The following RUNX1 variants were observed in gnomAD, a reference collection of about 807,000 sequenced individuals.
RUNX1 encodes RUNX family transcription factor 1.
RUNX1 carries 19 observed loss-of-function variants against 42.8 expected under a neutral mutation model. The ratio of observed to expected loss-of-function variants is 0.44; its 90% CI spans 0.31 to 0.65. The LOEUF (loss-of-function observed/expected upper bound fraction) is 0.65. RUNX1 is among the 30% of genes least tolerant of loss of function. RUNX1 has a pLI of 0.07. For missense variants in RUNX1, 528 were observed against 672.0 expected, an observed-to-expected ratio of 0.79 and a Z score of 2.37; for synonymous variants, 271 against 289.4, an observed-to-expected ratio of 0.94 and a Z score of 0.64.
At chr21:34,842,329 C>T (rs1402891284) in intron 6 of RUNX1, among the ~76,000 whole-genome samples, 1 of 151,568 alleles carries the variant, frequency 6.6e-6, no homozygotes, top group Non-Finnish European at 1.5e-5. Context: ...CCCATCTCCA[C>T]TAAAAATATA....
chr21:34,878,177 A>C (rs986347239), intron 5 of RUNX1, among the ~76,000 whole-genome samples: 1 of 151,248 alleles, frequency 6.6e-6, no homozygotes, highest in Middle Eastern at 3.2e-3. Flanking sequence ...TGCAAAAAAA[A>C]AAAAAAAGAA....
intron 2 of RUNX1, among the ~76,000 whole-genome samples, chr21:34,930,590 T>C (rs73900593): frequency 0.053 from 8,049 of 151,832 alleles, 691 homozygotes; most frequent in African/African-American, 0.18. Context: ...TTATGGACTA[T>C]TTACATAATC....
intron 7 of RUNX1, chr21:34,821,571 C>A: frequency 1.3e-6 from 2 of 1,543,946 alleles, no homozygotes; most frequent in Non-Finnish European, 1.8e-6. Context: ...ATTCTGAGGG[C>A]TGTCATCTTT....
rs186369437 is a variant in RUNX1, at chr21:34,975,323, G to T, written c.58+73519C>A. 5.9e-5 allele frequency among the ~76,000 whole-genome samples: 9 copies of T among 152,316 alleles called. No homozygotes were observed. The South Asian group carries it at 8.3e-4, about 14-fold the overall frequency. On this transcript the variant is annotated intron_variant, in intron 2 of 8. Transcript: ENST00000675419. ...TTTAACCAACTGTGGATCTCTCTAC[G>T]TATAGATCTGTATATATGGATGGTT...
chr21:35,042,976 G>A (rs1298590158), intron 2 of RUNX1, among the ~76,000 whole-genome samples: 3 of 152,168 alleles, frequency 2.0e-5, no homozygotes, highest in Non-Finnish European at 4.4e-5. Flanking sequence ...ATGAGGGAGG[G>A]AGAGAAAGAG....
intron 2 of RUNX1, among the ~76,000 whole-genome samples, chr21:34,925,998 C>T (rs1398722994): frequency 6.6e-6 from 1 of 151,964 alleles, no homozygotes; most frequent in Non-Finnish European, 1.5e-5. Context: ...ATTCTTATCA[C>T]AGTCATTCAA....
chr21:34,963,573 GAGA>G (rs2058696459), intron 2 of RUNX1, among the ~76,000 whole-genome samples: 1 of 152,304 alleles, frequency 6.6e-6, no homozygotes, highest in East Asian at 1.9e-4. Flanking sequence ...ATGGGAGAAG[GAGA>G]AGAAAAGACC....
chr21:34,995,069 C>G (rs2058983244), intron 2 of RUNX1, among the ~76,000 whole-genome samples: 1 of 152,222 alleles, frequency 6.6e-6, no homozygotes, highest in African/African-American at 2.4e-5. Context: ...GGAAACTTGA[C>G]TGGTAGCCGA....
At chr21:34,887,801 T>A (rs1301843487) in intron 3 of RUNX1, 6 of 1,063,838 alleles carry the variant, frequency 5.6e-6, no homozygotes, top group South Asian at 4.5e-5. Context: ...CAGATTTTTT[T>A]AAGTAGCCTT....
intron 7 of RUNX1, among the ~76,000 whole-genome samples, chr21:34,826,175 T>C (rs752768427): frequency 4.3e-4 from 66 of 152,342 alleles, no homozygotes; most frequent in African/African-American, 1.5e-3. Context: ...TGTGGTGGTG[T>C]TGATGAGGCC....
chr21:34,908,714 T>C (rs1209353269), intron 2 of RUNX1, among the ~76,000 whole-genome samples: 3 of 152,220 alleles, frequency 2.0e-5, no homozygotes, highest in African/African-American at 7.2e-5. Context: ...TTTCCCAATT[T>C]GTAGGTCTTT....
chr21:34,882,327 C>T (rs990200339), intron 4 of RUNX1, among the ~76,000 whole-genome samples: 3 of 152,168 alleles, frequency 2.0e-5, no homozygotes, highest in Admixed American at 2.0e-4. Context: ...GCACAGAACA[C>T]GAACTAACTC....
chr21:34,879,509 C>T (rs1384452045), intron 5 of RUNX1, among the ~76,000 whole-genome samples: 3 of 151,964 alleles, frequency 2.0e-5, no homozygotes, highest in African/African-American at 4.8e-5. Context: ...TTTTTAAATG[C>T]CTTTTTAAAG....
intron 7 of RUNX1, among the ~76,000 whole-genome samples, chr21:34,804,275 AG>A (rs2056648940): frequency 1.3e-5 from 2 of 152,210 alleles, no homozygotes; most frequent in Admixed American, 1.3e-4. Flanking sequence ...TTTTTCATTC[AG>A]GAACTCCACC....
chr21:34,843,721 C>A lies in RUNX1; in HGVS notation c.614-9120G>T, dbSNP rs1236337422. Among the ~76,000 whole-genome samples, 7 of 152,152 alleles carry A rather than the reference C, an allele frequency of 4.6e-5. No individual in the cohort carries two copies. The highest frequency in any genetic ancestry group is 1.7e-4 in the African/African-American group (7 of 41,434). Reference sequence around the variant, plus strand: ...GCCCAAGACTCACGGGACAAAAACCCAAACAAAACTCTGCTCCCTGAGTCC... The same window carrying A: ...GCCCAAGACTCACGGGACAAAAACCAAAACAAAACTCTGCTCCCTGAGTCC... On this transcript the variant is annotated intron_variant, in intron 6 of 8. Coordinates refer to ENST00000675419, the MANE Select transcript of RUNX1 (RefSeq NM_001754.5). This position sits in a 1 kb window ranked among gnomAD's most constrained non-coding sequence, Gnocchi z 4.8.
intron 3 of RUNX1, among the ~76,000 whole-genome samples, chr21:34,889,127 A>G (rs1023477379): frequency 7.8e-6 from 1 of 127,562 alleles, no homozygotes; most frequent in Non-Finnish European, 1.7e-5. Context: ...AGGCAGGCGC[A>G]GTGGCCGCCA....
At chr21:34,859,440 G>A (rs1441971391) in intron 6 of RUNX1, 34 bp downstream of exon 6, 10 of 1,429,512 alleles carry the variant, frequency 7.0e-6, no homozygotes, top group African/African-American at 1.4e-5. Context: ...GTACCAGCCT[G>A]GAGGGTGTAC....
intron 2 of RUNX1, among the ~76,000 whole-genome samples, chr21:34,954,518 C>T (rs1022414752): frequency 2.6e-5 from 4 of 152,294 alleles, no homozygotes; most frequent in Middle Eastern, 3.4e-3. Context: ...ACTTCTCCCT[C>T]TGGTGTTCAA....
chr21:34,911,560 C>T (rs2058272557), intron 2 of RUNX1, among the ~76,000 whole-genome samples: 1 of 152,196 alleles, frequency 6.6e-6, no homozygotes, highest in African/African-American at 2.4e-5. Flanking sequence ...GTCTCCTCCC[C>T]ACACTGCAGT....
Sources: gnomAD v4.1 joint callset for allele counts (sites outside exome capture counted in the v4.1 genomes callset) on GRCh38, gnomAD v4.1.1 for gene constraint, Gnocchi (gnomAD v3.1) non-coding constraint, MANE v1.5 for transcripts, NCBI Gene and HGNC (gene_info 2026-07-23, HGNC 2026-07-21) for gene names.